Variants in CCDC158 observed in about 807,000 individuals in gnomAD.
CCDC158 encodes coiled-coil domain-containing protein 158.
CCDC158 carries 116 observed loss-of-function variants against 138.6 expected under a neutral mutation model. The ratio of observed to expected loss-of-function variants is 0.84; its 90% CI spans 0.72 to 0.98. CCDC158 has a LOEUF of 0.98. Among genes scored for constraint, CCDC158 ranks in the 50% least tolerant of loss-of-function variants. The pLI, the probability that CCDC158 is intolerant of heterozygous loss-of-function variation, is 0.00. For synonymous variants in CCDC158, 436 were observed against 442.4 expected (o/e 0.99, Z 0.18); for missense variants, 1,265 against 1,306.1 (o/e 0.97, Z 0.48).
At chr4:76,353,685 G>C (rs1035942367) in intron 15 of CCDC158, among the ~76,000 whole-genome samples, 1 of 152,044 alleles carries the variant, frequency 6.6e-6, no homozygotes, top group Non-Finnish European at 1.5e-5. Flanking sequence ...TTTGTTTCAA[G>C]GTTGAATATT....
chr4:76,339,067 C>T (rs568353414), intron 18 of CCDC158, among the ~76,000 whole-genome samples: 3 of 152,012 alleles, frequency 2.0e-5, no homozygotes, highest in Non-Finnish European at 2.9e-5. Flanking sequence ...ATGTGGTGAC[C>T]GGCTATCCAA....
intron 9 of CCDC158, among the ~76,000 whole-genome samples, chr4:76,377,605 T>C (rs2110281891): frequency 6.6e-6 from 1 of 152,298 alleles, no homozygotes; most frequent in Middle Eastern, 3.4e-3. Flanking sequence ...TGGACATTCC[T>C]GCTATAAATC....
rs771063604 is a variant in CCDC158 at position 76,355,440 on chromosome 4, GA to G, written c.2174-5del. 2.2e-3 allele frequency: 3,079 copies of G among 1,389,636 alleles called. No individual in the cohort carries two copies. Among genetic ancestry groups the G allele is most frequent in the Non-Finnish European group, 2.3e-3 (2,370 of 1,023,658 alleles). 86.1% of individuals were successfully genotyped at this position (1,389,636 alleles called of 1,614,324 possible). A position where few individuals can be genotyped will look rare whatever the true frequency, so the allele number is the denominator to read the frequency against. On this transcript the variant is annotated splice_region_variant and splice_polypyrimidine_tract_variant and intron_variant, in intron 14 of 24. Transcript: ENST00000682701. Reference sequence around the variant, plus strand: ...ATCCCCATTGCCACTTTCATAGCTGGAAAAAAAAAAGAGGCAAACTATGCCT... The same window carrying G: ...ATCCCCATTGCCACTTTCATAGCTGGAAAAAAAAAGAGGCAAACTATGCCT...
intron 12 of CCDC158, among the ~76,000 whole-genome samples, chr4:76,365,895 AAC>A (rs1404573376): frequency 6.6e-6 from 1 of 152,216 alleles, no homozygotes; most frequent in Non-Finnish European, 1.5e-5. Flanking sequence ...ACTGCACAGT[AAC>A]ATCTACTTAG....
chr4:76,397,742 T>C (rs1296092627), intron 3 of CCDC158, among the ~76,000 whole-genome samples: 1 of 152,244 alleles, frequency 6.6e-6, no homozygotes, highest in Non-Finnish European at 1.5e-5. Context: ...GAGTTATCAG[T>C]GCTTCTAACT....
intron 2 of CCDC158, among the ~76,000 whole-genome samples, chr4:76,411,443 ATCTT>A (rs1470819548): frequency 1.3e-5 from 2 of 152,110 alleles, no homozygotes; most frequent in African/African-American, 4.8e-5. Flanking sequence ...TCCCAATACT[ATCTT>A]TATAACTTAA....
At chr4:76,317,559 C>T (rs1452481773) in intron 24 of CCDC158, among the ~76,000 whole-genome samples, 1 of 152,104 alleles carries the variant, frequency 6.6e-6, no homozygotes, top group Non-Finnish European at 1.5e-5. Flanking sequence ...CCACTGATAC[C>T]ACTAGACAGG....
intron 18 of CCDC158, among the ~76,000 whole-genome samples, chr4:76,335,016 G>GAGTGCA (rs1721346734): frequency 6.6e-6 from 1 of 152,108 alleles, no homozygotes. Flanking sequence ...ATAATATCCA[G>GAGTGCA]CTGAAGATAT....
At position 76,351,122 on chromosome 4, in the gene CCDC158, C is replaced by G; in HGVS notation, c.2539-1G>C. 1 of 1,610,942 alleles carries G rather than the reference C, an allele frequency of 6.2e-7. No homozygotes were observed. Among genetic ancestry groups the G allele is most frequent in the Non-Finnish European group, 8.5e-7 (1 of 1,178,350 alleles). On this transcript the variant is annotated splice_acceptor_variant, in intron 17 of 24. Transcript: ENST00000682701. LOFTEE classifies it high-confidence loss of function. ...AGGTGTATCCAGGGCCCTGAAGTTC[C>G]TGGAAAACAATATAGAGGTAAGCAA...
intron 4 of CCDC158, among the ~76,000 whole-genome samples, chr4:76,386,897 G>T (rs11097343): frequency 3.9e-5 from 6 of 152,126 alleles, no homozygotes; most frequent in East Asian, 1.9e-4. Flanking sequence ...AGAGGGGAAT[G>T]GTCCATTTCA....
In CCDC158 at chr4:76,313,140, T is replaced by C. The variant is rs754349108; in HGVS notation, c.*30A>G. The C allele has an allele frequency of 3.4e-5, 49 of 1,455,226 alleles. No individual in the cohort carries two copies. Among genetic ancestry groups the C allele is most frequent in the Non-Finnish European group, 4.6e-5 (49 of 1,056,168 alleles). 90.1% of individuals were successfully genotyped at this position (1,455,226 alleles called of 1,614,324 possible). A position where few individuals can be genotyped will look rare whatever the true frequency, so the allele number is the denominator to read the frequency against. On this transcript the variant is annotated 3_prime_UTR_variant, in exon 25 of 25. Transcript: ENST00000682701. The stretch of plus-strand genomic sequence containing the variant: ...TAACACCACAATTAATTGGGCCTCA[T>C]TCCTCTGTAAAGAATAGGCAAGCAA...
intron 22 of CCDC158, among the ~76,000 whole-genome samples, chr4:76,327,983 G>C (rs1300360496): frequency 6.6e-6 from 1 of 151,860 alleles, no homozygotes; most frequent in South Asian, 2.1e-4. Context: ...AATTCCTTTT[G>C]TGTAATTTTC....
Position 76,367,388 on chromosome 4 carries a change from C to G in CCDC158, c.1736G>C (p.Gly579Ala). The change falls in exon 12 of 25, where the codon GGC (glycine) becomes GCC (alanine). Residue 579 changes from glycine to alanine, a missense_variant. Transcript: ENST00000682701. Reference protein sequence around the residue: ...QQIENMTQLVGQHGRTAGAMQ... With the variant: ...QQIENMTQLVAQHGRTAGAMQ... Reference sequence around the variant, plus strand: ...AGCTCCAGCAGTTCGTCCATGCTGGCCCACCAGCTGTGTCATGTTCTCAAT... The same window carrying G: ...AGCTCCAGCAGTTCGTCCATGCTGGGCCACCAGCTGTGTCATGTTCTCAAT... 6.2e-7 allele frequency: 1 copy of G among 1,614,228 alleles called. No individual in the cohort carries two copies. The highest frequency in any genetic ancestry group is 8.5e-7 in the Non-Finnish European group (1 of 1,180,042).
At chr4:76,329,400 T>C (rs1720818509) in intron 21 of CCDC158, among the ~76,000 whole-genome samples, 1 of 152,088 alleles carries the variant, frequency 6.6e-6, no homozygotes, top group African/African-American at 2.4e-5. Flanking sequence ...TTGGCCAACA[T>C]GGTGAAACCC....
intron 9 of CCDC158, chr4:76,375,764 G>A (rs1051834406): frequency 3.4e-5 from 20 of 583,630 alleles, no homozygotes; most frequent in East Asian, 2.3e-4. Context: ...TGTAAGCTAC[G>A]AAAGCTACAT....
chr4:76,396,422 A>C lies in CCDC158; in HGVS notation c.135T>G (p.Ala45=), dbSNP rs1290480369. The C allele has an allele frequency of 6.2e-7, 1 of 1,614,010 alleles. No homozygotes were observed. Among genetic ancestry groups the C allele is most frequent in the Non-Finnish European group, 8.5e-7 (1 of 1,179,988 alleles). The change falls in exon 4 of 25, where the codon GCT becomes GCG. Residue 45 remains alanine (A), a synonymous_variant. Coordinates refer to ENST00000682701, the MANE Select transcript of CCDC158 (RefSeq NM_001394954.1). The stretch of plus-strand genomic sequence containing the variant: ...AAAAAGGAACCTGTGTCAAAGTCCC[A>C]GCTGAAGATGTGTTTTCAATTATTG... ...RGTIIENTSS[A]GTLTQVPFFP... is the part of the protein sequence containing the mutation.
rs144329399 is a variant in CCDC158 at position 76,314,388 on chromosome 4, C to T, written c.3278-1142G>A. 2.7e-4 allele frequency among the ~76,000 whole-genome samples: 41 copies of T among 152,300 alleles called. 2 individuals carry two copies. The East Asian group carries it at 6.2e-3, about 23-fold the overall frequency. On this transcript the variant is annotated intron_variant, in intron 24 of 24. Transcript: ENST00000682701. ...GATGGCAGATAGGAGACAGGGCTAA[C>T]GTGCAGCTCCAACTTGGATGGACAG...
intron 4 of CCDC158, among the ~76,000 whole-genome samples, chr4:76,393,299 A>C (rs1333592200): frequency 6.6e-6 from 1 of 152,094 alleles, no homozygotes; most frequent in Non-Finnish European, 1.5e-5. Context: ...AGAACAATAG[A>C]ATAGAATAGA....
At chr4:76,332,124 A>G (rs2110103852) in intron 20 of CCDC158, among the ~76,000 whole-genome samples, 1 of 152,306 alleles carries the variant, frequency 6.6e-6, no homozygotes, top group South Asian at 2.1e-4. Context: ...AAAGTTATGT[A>G]AGCCATTGTA....
Sources: gnomAD v4.1 joint callset for allele counts (sites outside exome capture counted in the v4.1 genomes callset) on GRCh38, gnomAD v4.1.1 for gene constraint, MANE v1.5 for transcripts, NCBI Gene and HGNC (gene_info 2026-07-23, HGNC 2026-07-21) for gene names.